SLC7A14: variants seen among roughly 807,000 people sequenced by gnomAD.
SLC7A14 encodes the protein solute carrier family 7 member 14.
Under a neutral mutation model 60.2 loss-of-function variants are expected in SLC7A14, and 37 were observed. The ratio of observed to expected loss-of-function variants is 0.61; its 90% CI spans 0.47 to 0.81. The LOEUF is 0.81. Ranked by LOEUF, SLC7A14 falls within the 30% of genes least tolerant of loss-of-function variation. The pLI is 0.00. For missense variants in SLC7A14, 886 were observed against 982.7 expected (o/e 0.90, Z 1.32); for synonymous variants, 399 against 395.8 (o/e 1.01, Z -0.10).
intron 1 of SLC7A14, among the ~76,000 whole-genome samples, chr3:170,549,865 C>T (rs1344522868): frequency 6.6e-6 from 1 of 152,184 alleles, no homozygotes; most frequent in Admixed American, 6.5e-5. Flanking sequence ...GGATGGAAAG[C>T]AATTTAAACT....
At chr3:170,531,019 A>G (rs1346520640) in intron 1 of SLC7A14, among the ~76,000 whole-genome samples, 2 of 152,210 alleles carry the variant, frequency 1.3e-5, no homozygotes, top group African/African-American at 4.8e-5. Context: ...GAAATACCCA[A>G]GGATCTTTCA....
At chr3:170,495,034 C>T (rs931817550) in intron 4 of SLC7A14, among the ~76,000 whole-genome samples, 1 of 152,164 alleles carries the variant, frequency 6.6e-6, no homozygotes, top group African/African-American at 2.4e-5. Flanking sequence ...ATAACAGCAC[C>T]ACTCAAAAGT....
intron 2 of SLC7A14, among the ~76,000 whole-genome samples, chr3:170,524,607 T>A (rs917915770): frequency 6.6e-6 from 1 of 152,248 alleles, no homozygotes; most frequent in African/African-American, 2.4e-5. Context: ...TGGCTGCCTT[T>A]TGTCCTACTA....
At chr3:170,567,158 C>G (rs1714815968) in intron 1 of SLC7A14, among the ~76,000 whole-genome samples, 1 of 113,556 alleles carries the variant, frequency 8.8e-6, no homozygotes, top group Admixed American at 1.1e-4. Context: ...TCCCTCCCCC[C>G]TCCCCCCACC....
At chr3:170,574,640 A>G (rs763516061) in intron 1 of SLC7A14, among the ~76,000 whole-genome samples, 3 of 152,188 alleles carry the variant, frequency 2.0e-5, no homozygotes, top group Non-Finnish European at 4.4e-5. Flanking sequence ...TCTTAATGTG[A>G]TAGATGGGCC....
intron 7 of SLC7A14, among the ~76,000 whole-genome samples, chr3:170,476,158 G>A (rs1197757377): frequency 1.3e-5 from 2 of 152,100 alleles, no homozygotes; most frequent in African/African-American, 2.4e-5. Context: ...CTCAATACTC[G>A]GCCACCAGAC....
At chr3:170,569,158 A>T (rs1714874251) in intron 1 of SLC7A14, among the ~76,000 whole-genome samples, 2 of 152,150 alleles carry the variant, frequency 1.3e-5, no homozygotes, top group South Asian at 4.1e-4. Flanking sequence ...TGTCATAGAT[A>T]GCTCTTATTA....
intron 2 of SLC7A14, among the ~76,000 whole-genome samples, chr3:170,512,865 G>A (rs1227164502): frequency 3.3e-5 from 5 of 151,602 alleles, no homozygotes; most frequent in African/African-American, 9.7e-5. Flanking sequence ...GGGTTTCACC[G>A]TTTTAGCCGG....
chr3:170,499,000 G>A (rs1370100419), intron 3 of SLC7A14, 116 bp from the exon 4 acceptor site: 2 of 867,180 alleles, frequency 2.3e-6, no homozygotes, highest in Non-Finnish European at 3.6e-6. Context: ...AAACTGGGAG[G>A]CCGAGGCAGG....
chr3:170,545,259 G>A (rs538133229), intron 1 of SLC7A14, among the ~76,000 whole-genome samples: 3 of 152,282 alleles, frequency 2.0e-5, no homozygotes, highest in South Asian at 2.1e-4. Context: ...GCCAGCTTCC[G>A]TGGCCATGTG....
intron 2 of SLC7A14, among the ~76,000 whole-genome samples, chr3:170,508,250 A>G (rs542851699): frequency 1.3e-5 from 2 of 152,320 alleles, no homozygotes; most frequent in East Asian, 3.9e-4. Flanking sequence ...AGACTGTCCA[A>G]AAGGAAAGAG....
At chr3:170,525,297 G>A (rs56873373) in intron 2 of SLC7A14, among the ~76,000 whole-genome samples, 2,888 of 152,328 alleles carry the variant, frequency 0.019, 94 homozygotes, top group African/African-American at 0.065. Flanking sequence ...AGAAAAGGAA[G>A]GAAGAGGAAA....
chr3:170,473,717 C>T (rs1036451895), intron 7 of SLC7A14, among the ~76,000 whole-genome samples: 1 of 152,104 alleles, frequency 6.6e-6, no homozygotes, highest in Admixed American at 6.5e-5. Context: ...ACCACCACGA[C>T]TCTGTTGACT....
rs192483818 is a variant in SLC7A14, at chr3:170,529,268, G to T, written c.-152-2180C>A. Among the ~76,000 whole-genome samples the T allele has an allele frequency of 2.4e-3, 360 of 152,286 alleles. 1 individual carries two copies. Among genetic ancestry groups the T allele is most frequent in the Admixed American group, 4.8e-3 (73 of 15,300 alleles). On this transcript the variant is annotated intron_variant, in intron 1 of 7. Coordinates refer to ENST00000231706, the MANE Select transcript of SLC7A14 (RefSeq NM_020949.3). Reference sequence around the variant, plus strand: ...TATTTGAATGGACATATATATATGTGTGTGTGTTTTATAAATGTTATATCA... The same window carrying T: ...TATTTGAATGGACATATATATATGTTTGTGTGTTTTATAAATGTTATATCA...
intron 1 of SLC7A14, among the ~76,000 whole-genome samples, chr3:170,583,151 G>C (rs561904548): frequency 1.3e-4 from 20 of 152,234 alleles, no homozygotes; most frequent in Admixed American, 8.5e-4. Context: ...CCAATTTTGG[G>C]AAAATTATTT....
In SLC7A14 at chr3:170,523,627, A is replaced by G. The variant is rs751086287; in HGVS notation, c.304+3006T>C. ...ACTTCATTCTTGCAACTAAGCAGCAATTATTGCTGGAGATAAATGTGCAGT... is the reference window on the plus strand; with the variant it reads ...ACTTCATTCTTGCAACTAAGCAGCAGTTATTGCTGGAGATAAATGTGCAGT... On this transcript the variant is annotated intron_variant, in intron 2 of 7. Coordinates refer to ENST00000231706, the MANE Select transcript of SLC7A14 (RefSeq NM_020949.3). Among the ~76,000 whole-genome samples the G allele has an allele frequency of 1.5e-3, 225 of 152,324 alleles. 4 individuals carry two copies. Among genetic ancestry groups the G allele is most frequent in the Non-Finnish European group, 2.4e-3 (165 of 68,026 alleles).
rs758288164 is a variant in SLC7A14 at position 170,526,981 on chromosome 3, G to A, written c.-45C>T. On this transcript the variant is annotated 5_prime_UTR_variant, in exon 2 of 8. Transcript: ENST00000231706. The stretch of plus-strand genomic sequence containing the variant: ...AGTGAAGGTCAGCTGATGGAAGGGG[G>A]CTACAAAGCCTTAGTGGATGGTTCT... 6.4e-7 allele frequency: 1 copy of A among 1,567,786 alleles called. No homozygotes were observed. Among genetic ancestry groups the A allele is most frequent in the Non-Finnish European group, 8.6e-7 (1 of 1,156,936 alleles).
intron 1 of SLC7A14, among the ~76,000 whole-genome samples, chr3:170,584,100 T>A (rs981844322): frequency 6.6e-6 from 1 of 152,226 alleles, no homozygotes; most frequent in African/African-American, 2.4e-5. Flanking sequence ...TGGCAGCTAT[T>A]GTGAAGTTTA....
In SLC7A14 at chr3:170,494,486, C is replaced by A. The variant is rs530762278; in HGVS notation, c.759+4181G>T. The stretch of plus-strand genomic sequence containing the variant: ...GGAGCCCCTGAGAAGGAAAGGGAGA[C>A]CCCCAAAGAGAATAAAGGCCTCAGA... On this transcript the variant is annotated intron_variant, in intron 4 of 7. Coordinates refer to ENST00000231706, the MANE Select transcript of SLC7A14 (RefSeq NM_020949.3). Among the ~76,000 whole-genome samples the A allele has an allele frequency of 3.3e-5, 5 of 152,254 alleles. 1 individual carries two copies. The highest frequency in any genetic ancestry group is 7.4e-5 in the Non-Finnish European group (5 of 68,014).
Sources: gnomAD v4.1 joint callset for allele counts (sites outside exome capture counted in the v4.1 genomes callset) on GRCh38, gnomAD v4.1.1 for gene constraint, MANE v1.5 for transcripts, NCBI Gene and HGNC (gene_info 2026-07-23, HGNC 2026-07-21) for gene names.